The following CXADR variants were observed in gnomAD, a reference collection of about 807,000 sequenced individuals.
The protein encoded by CXADR is coxsackievirus and adenovirus receptor.
A neutral mutation model predicts 40.3 loss-of-function variants in CXADR; 20 were observed. The observed-to-expected ratio is 0.50, with a 90% confidence interval of 0.35 to 0.72. CXADR has a LOEUF of 0.72. Ranked by LOEUF, CXADR falls within the 30% of genes least tolerant of loss-of-function variation. CXADR has a pLI of 0.01. For missense variants in CXADR, 332 were observed against 449.1 expected (o/e 0.74, Z 2.36); for synonymous variants, 150 against 161.3 (o/e 0.93, Z 0.53).
Position 17,518,690 on chromosome 21 carries a change from T to G in CXADR, c.43+5518T>G, listed in dbSNP as rs925705780. On this transcript the variant is annotated intron_variant, in intron 1 of 6. Coordinates refer to ENST00000284878, the MANE Select transcript of CXADR (RefSeq NM_001338.5). ...GTTAAACTGTCAGCACCAAGCTGAC[T>G]TAATATTCCAGGTATCATTTCTGTG... The G allele has an allele frequency of 8.7e-6, 14 of 1,609,568 alleles. No individual in the cohort carries two copies. The African/African-American group carries it at 1.9e-4, about 22-fold the overall frequency.
rs145806932 is a variant in CXADR, at chr21:17,565,033, T to C, written c.834-395T>C. Among the ~76,000 whole-genome samples, 481 of 152,308 alleles carry C rather than the reference T, an allele frequency of 3.2e-3. 1 individual carries two copies. Among genetic ancestry groups the C allele is most frequent in the Admixed American group, 8.6e-3 (132 of 15,284 alleles). On this transcript the variant is annotated intron_variant, in intron 6 of 6. Coordinates refer to ENST00000284878, the MANE Select transcript of CXADR (RefSeq NM_001338.5). Reference sequence around the variant, plus strand: ...TACAGGTGTGATTAAGATAGAAATATACCTGTAGGTGTTAGTGTTTTCTCA... The same window carrying C: ...TACAGGTGTGATTAAGATAGAAATACACCTGTAGGTGTTAGTGTTTTCTCA...
the CXADR span, among the ~76,000 whole-genome samples, chr21:17,621,224 T>A: frequency 6.6e-6 from 1 of 152,202 alleles, no homozygotes; most frequent in African/African-American, 2.4e-5. Context: ...ACAGGCATGA[T>A]GATAAATAGG....
At chr21:17,515,984 T>C (rs1283891008) in intron 1 of CXADR, among the ~76,000 whole-genome samples, 1 of 152,204 alleles carries the variant, frequency 6.6e-6, no homozygotes, top group Non-Finnish European at 1.5e-5. Context: ...GGGACTCCTT[T>C]CGATGCATTT....
chr21:17,557,471 A>T (rs1372032258), intron 3 of CXADR, among the ~76,000 whole-genome samples: 1 of 152,200 alleles, frequency 6.6e-6, no homozygotes, highest in Non-Finnish European at 1.5e-5. Flanking sequence ...GTCCAGTGGC[A>T]TTCCGTGGTT....
chr21:17,610,972 T>C, the CXADR span, among the ~76,000 whole-genome samples: 1 of 152,142 alleles, frequency 6.6e-6, no homozygotes, highest in Non-Finnish European at 1.5e-5. Context: ...GATAGCCTGA[T>C]GGAGGGGAAG....
downstream of CXADR, among the ~76,000 whole-genome samples, chr21:17,571,273 CAG>C (rs2061275406): frequency 6.6e-6 from 1 of 152,138 alleles, no homozygotes; most frequent in Non-Finnish European, 1.5e-5. Context: ...ACCTACTTCA[CAG>C]GGGATGTTGG....
chr21:17,566,677 T>G lies in CXADR; in HGVS notation c.*985T>G, dbSNP rs2061212730. On this transcript the variant is annotated 3_prime_UTR_variant, in exon 7 of 7. Coordinates refer to ENST00000284878, the MANE Select transcript of CXADR (RefSeq NM_001338.5). Reference sequence around the variant, plus strand: ...CCAGTGCTTTATGTTGTTGTTGTTTTTGGATGGTGTTACATATTATATGTT... The same window carrying G: ...CCAGTGCTTTATGTTGTTGTTGTTTGTGGATGGTGTTACATATTATATGTT... 1.0e-6 allele frequency: 1 copy of G among 984,094 alleles called. No homozygotes were observed. The highest frequency in any genetic ancestry group is 1.2e-6 in the Non-Finnish European group (1 of 828,984). The allele number at this position is 984,094 out of a possible 1,614,324, so 61.0% of individuals were successfully genotyped here. A position where few individuals can be genotyped will look rare whatever the true frequency, so the allele number is the denominator to read the frequency against.
intron 4 of CXADR, among the ~76,000 whole-genome samples, chr21:17,560,215 G>A (rs1024160462): frequency 5.3e-5 from 8 of 152,162 alleles, no homozygotes; most frequent in Admixed American, 2.6e-4. Context: ...GCTCCACCCC[G>A]CCATCCACTG....
At chr21:17,612,239 G>A in the CXADR span, 2 of 152,236 alleles carry the variant, frequency 1.3e-5, no homozygotes, top group Admixed American at 1.3e-4. Flanking sequence ...TCGCCAGGGT[G>A]CGCCTGCCCC....
At chr21:17,635,966 T>C in the CXADR span, among the ~76,000 whole-genome samples, 1 of 152,380 alleles carries the variant, frequency 6.6e-6, no homozygotes, top group South Asian at 2.1e-4. Flanking sequence ...CATTTAATTT[T>C]ACTCAGCAAT....
chr21:17,634,365 G>A, the CXADR span, among the ~76,000 whole-genome samples: 1 of 152,170 alleles, frequency 6.6e-6, no homozygotes. Flanking sequence ...TGTTCATGTT[G>A]CGTATCTTTT....
chr21:17,597,938 C>A (rs2061524833), downstream of CXADR, among the ~76,000 whole-genome samples: 1 of 152,030 alleles, frequency 6.6e-6, no homozygotes, highest in Admixed American at 6.5e-5. Context: ...AAATAGATAA[C>A]CTTTAAAAAT....
chr21:17,600,621 G>C, the CXADR span, among the ~76,000 whole-genome samples: 2 of 151,902 alleles, frequency 1.3e-5, no homozygotes, highest in African/African-American at 4.8e-5. Flanking sequence ...AGGAATTTGA[G>C]ACCAGTCTGG....
At chr21:17,602,134 G>A in the CXADR span, among the ~76,000 whole-genome samples, 18,639 of 149,920 alleles carry the variant, frequency 0.12, 1,187 homozygotes, top group Middle Eastern at 0.19. Context: ...TCTATTGGGG[G>A]AAAAAAAGGA....
At chr21:17,590,608 G>A (rs994184029) in intron 7 of CXADR, among the ~76,000 whole-genome samples, 1 of 151,906 alleles carries the variant, frequency 6.6e-6, no homozygotes, top group Non-Finnish European at 1.5e-5. Flanking sequence ...GCAATGCAGG[G>A]ATATTGTTGT....
At chr21:17,519,771 C>G (rs2060505907) in intron 1 of CXADR, among the ~76,000 whole-genome samples, 1 of 152,104 alleles carries the variant, frequency 6.6e-6, no homozygotes, top group Admixed American at 6.5e-5. Context: ...CCAGCCTGGC[C>G]AACATGGTGA....
intron 1 of CXADR, among the ~76,000 whole-genome samples, chr21:17,528,809 A>C (rs1297200644): frequency 1.3e-5 from 2 of 152,050 alleles, no homozygotes; most frequent in Non-Finnish European, 2.9e-5. Flanking sequence ...TCTCCTTAAT[A>C]TCAGTGAGGC....
At chr21:17,609,977 G>A in the CXADR span, among the ~76,000 whole-genome samples, 4 of 152,142 alleles carry the variant, frequency 2.6e-5, no homozygotes, top group Non-Finnish European at 4.4e-5. Context: ...TACATGTAAT[G>A]GAATATTATT....
the CXADR span, among the ~76,000 whole-genome samples, chr21:17,610,597 A>ATTTT: frequency 6.6e-6 from 1 of 152,198 alleles, no homozygotes; most frequent in Non-Finnish European, 1.5e-5. Context: ...TTAAGGGCAA[A>ATTTT]CCCTTGTCCT....
Sources: allele counts gnomAD v4.1 joint callset (sites outside exome capture counted in the v4.1 genomes callset), GRCh38; gene constraint gnomAD v4.1.1; transcripts MANE v1.5; gene names NCBI Gene and HGNC (gene_info 2026-07-23, HGNC 2026-07-21).